Variants in PRKAG2 observed in about 807,000 individuals in gnomAD.
The protein encoded by PRKAG2 is protein kinase AMP-activated non-catalytic subunit gamma 2, also known as 5'-AMP-activated protein kinase subunit gamma-2.
Under a neutral mutation model 69.6 loss-of-function variants are expected in PRKAG2, and 26 were observed. The ratio of observed to expected loss-of-function variants is 0.37; its 90% CI spans 0.27 to 0.52. The LOEUF (loss-of-function observed/expected upper bound fraction) is 0.52. PRKAG2 is among the 20% of genes least tolerant of loss of function. The pLI is 0.90. For missense variants in PRKAG2, 557 were observed against 740.0 expected (o/e 0.75, Z 2.87); for synonymous variants, 293 against 285.0 (o/e 1.03, Z -0.28).
At chr7:151,557,280 G>A (rs1472272726) in intron 15 of PRKAG2, 48 bp from the exon 16 acceptor site, 2 of 1,613,692 alleles carry the variant, frequency 1.2e-6, no homozygotes, top group African/African-American at 2.7e-5. Flanking sequence ...GGTAACAGCA[G>A]GGTTCTCTAC....
At chr7:151,855,053 C>CACACACCACCCT (rs2079684317) in intron 1 of PRKAG2, among the ~76,000 whole-genome samples, 1 of 64,006 alleles carries the variant, frequency 1.6e-5, no homozygotes, top group Non-Finnish European at 3.0e-5. Context: ...CCGCCCTCCA[C>CACACACCACCCT]ACACACCATC....
In PRKAG2 at chr7:151,814,270, A is replaced by C. The variant is rs570000420; in HGVS notation, c.115-27729T>G. The C allele has an allele frequency of 5.4e-5, 23 of 424,106 alleles. No homozygotes were observed. The South Asian group carries it at 2.5e-3, about 46-fold the overall frequency. The allele number at this position is 424,106 out of a possible 1,614,324, so 26.3% of individuals were successfully genotyped here. A position where few individuals can be genotyped will look rare whatever the true frequency, so the allele number is the denominator to read the frequency against. Reference sequence around the variant, plus strand: ...TGCTCAGCCTTGGGGTATCTGATTTAATAAGAGGCTCTTGGAGAACAAAGC... The same window carrying C: ...TGCTCAGCCTTGGGGTATCTGATTTCATAAGAGGCTCTTGGAGAACAAAGC... On this transcript the variant is annotated intron_variant, in intron 1 of 15. Transcript: ENST00000287878. This position sits in a 1 kb window ranked among gnomAD's most constrained non-coding sequence, Gnocchi z 4.8.
In PRKAG2 at chr7:151,781,012, TG is replaced by T; in HGVS notation, c.466+139del. The stretch of plus-strand genomic sequence containing the variant: ...AGATTTGTTTAGGGGGAAGTGGGGG[TG>T]GGGAGAAACAGATACAGGCACTCAG... On this transcript the variant is annotated intron_variant, in intron 3 of 15. Coordinates refer to ENST00000287878, the MANE Select transcript of PRKAG2 (RefSeq NM_016203.4). This position sits in a 1 kb window ranked among gnomAD's most constrained non-coding sequence, Gnocchi z 6.1. 9.1e-7 allele frequency: 1 copy of T among 1,103,400 alleles called. No homozygotes were observed. The allele number at this position is 1,103,400 out of a possible 1,614,324, so 68.4% of individuals were successfully genotyped here. A position where few individuals can be genotyped will look rare whatever the true frequency, so the allele number is the denominator to read the frequency against.
intron 3 of PRKAG2, among the ~76,000 whole-genome samples, chr7:151,746,752 G>C (rs944068071): frequency 2.0e-5 from 3 of 152,188 alleles, no homozygotes; most frequent in African/African-American, 7.2e-5. Flanking sequence ...CAGAGGCTGT[G>C]GCCGGAGCCT....
chr7:151,862,818 T>G (rs1240768328), intron 1 of PRKAG2, among the ~76,000 whole-genome samples: 1 of 151,706 alleles, frequency 6.6e-6, no homozygotes, highest in African/African-American at 2.4e-5. Flanking sequence ...CAGGGAGCAC[T>G]GTTAGGTCCC....
At chr7:151,658,603 A>G (rs993994691) in intron 4 of PRKAG2, among the ~76,000 whole-genome samples, 27 of 152,216 alleles carry the variant, frequency 1.8e-4, no homozygotes, top group African/African-American at 6.3e-4. Flanking sequence ...ATTTTCAAAA[A>G]TTATTTGCCA....
At chr7:151,821,535 G>A (rs1586667658) in intron 1 of PRKAG2, among the ~76,000 whole-genome samples, 1 of 152,180 alleles carries the variant, frequency 6.6e-6, no homozygotes, top group African/African-American at 2.4e-5. Flanking sequence ...GTGGTAGAAG[G>A]CCAAGCTGTC....
rs140871820 is a variant in PRKAG2 at position 151,562,081 on chromosome 7, C to T, written c.1585-1464G>A. ...CCAACATGGTGAAACCCCGTCTCTA[C>T]CAAAACCACAAAAATTAGCTGGGCG... is the stretch of plus-strand genomic sequence containing the variant. On this transcript the variant is annotated intron_variant, in intron 14 of 15. Coordinates refer to ENST00000287878, the MANE Select transcript of PRKAG2 (RefSeq NM_016203.4). 6.6e-5 allele frequency among the ~76,000 whole-genome samples: 10 copies of T among 151,196 alleles called. 1 individual carries two copies. The highest frequency in any genetic ancestry group is 3.4e-3 in the Middle Eastern group (1 of 292).
chr7:151,673,460 T>A (rs532521492), intron 4 of PRKAG2, among the ~76,000 whole-genome samples: 5 of 152,292 alleles, frequency 3.3e-5, no homozygotes, highest in African/African-American at 1.2e-4. Flanking sequence ...TGCCACTCAT[T>A]ATCCCGGCGA....
At chr7:151,607,464 A>T (rs1817780489) in intron 5 of PRKAG2, among the ~76,000 whole-genome samples, 2 of 150,954 alleles carry the variant, frequency 1.3e-5, no homozygotes, top group Admixed American at 6.6e-5. Context: ...TTTTGTAGTG[A>T]TGGGGTCTCA....
At chr7:151,808,457 A>C (rs1290298134) in intron 1 of PRKAG2, among the ~76,000 whole-genome samples, 3 of 152,168 alleles carry the variant, frequency 2.0e-5, no homozygotes, top group African/African-American at 7.2e-5. Flanking sequence ...AGCAGCAGGG[A>C]AACAGGAGGC....
chr7:151,589,007 T>G (rs1007004581), intron 6 of PRKAG2, among the ~76,000 whole-genome samples: 2 of 152,268 alleles, frequency 1.3e-5, no homozygotes, highest in Non-Finnish European at 2.9e-5. Context: ...GGCTTGGTGA[T>G]GCTGGGACTT....
At position 151,647,480 on chromosome 7, in the gene PRKAG2, A is replaced by C. The variant is rs186630637; in HGVS notation, c.685-15342T>G. 7.6e-4 allele frequency among the ~76,000 whole-genome samples: 116 copies of C among 152,342 alleles called. 1 individual carries two copies. The highest frequency in any genetic ancestry group is 2.6e-3 in the African/African-American group (108 of 41,582). ...TTACAAAGTAATTTAAATAATAAAA[A>C]GCTATAGCGACTGCATTGTGGGCAC... On this transcript the variant is annotated intron_variant, in intron 4 of 15. Coordinates refer to ENST00000287878, the MANE Select transcript of PRKAG2 (RefSeq NM_016203.4).
At chr7:151,577,957 TC>T (rs1344758690) in intron 6 of PRKAG2, among the ~76,000 whole-genome samples, 1 of 151,416 alleles carries the variant, frequency 6.6e-6, no homozygotes, top group African/African-American at 2.4e-5. Flanking sequence ...GTAAAATGTT[TC>T]TTTAAAAAAA....
At position 151,626,888 on chromosome 7, in the gene PRKAG2, G is replaced by C. The variant is rs75547721; in HGVS notation, c.754+5181C>G. On this transcript the variant is annotated intron_variant, in intron 5 of 15. Transcript: ENST00000287878. The stretch of plus-strand genomic sequence containing the variant: ...ATTTGTTCATGTGCCGTGGCCCTTT[G>C]GGTGGCCAAAATCCACTGTAACAGC... Among the ~76,000 whole-genome samples the C allele has an allele frequency of 2.8e-3, 418 of 151,988 alleles. 2 individuals carry two copies. The highest frequency in any genetic ancestry group is 9.5e-3 in the African/African-American group (392 of 41,330).
chr7:151,761,094 C>T (rs1243596875), intron 3 of PRKAG2, among the ~76,000 whole-genome samples: 1 of 152,220 alleles, frequency 6.6e-6, no homozygotes, highest in East Asian at 1.9e-4. Flanking sequence ...TAGCTGATTC[C>T]ATATTGCTTC....
At chr7:151,821,062 A>AGAGCCTCCAACC (rs1184141184) in intron 1 of PRKAG2, among the ~76,000 whole-genome samples, 1 of 152,202 alleles carries the variant, frequency 6.6e-6, no homozygotes, top group Non-Finnish European at 1.5e-5. Context: ...AGCTGTGGAG[A>AGAGCCTCCAACC]CAGGGAACAA....
intron 5 of PRKAG2, among the ~76,000 whole-genome samples, chr7:151,628,364 A>G (rs73478085): frequency 0.13 from 19,068 of 152,244 alleles, 1,376 homozygotes; most frequent in African/African-American, 0.17. Context: ...ATAAACACAA[A>G]CACAGCAAAG....
intron 3 of PRKAG2, among the ~76,000 whole-genome samples, chr7:151,708,196 C>G (rs1171503404): frequency 6.6e-6 from 1 of 152,216 alleles, no homozygotes; most frequent in Non-Finnish European, 1.5e-5. Context: ...TTACCCTAAA[C>G]TCTCCATGCA....
Sources: gnomAD v4.1 joint callset for allele counts (sites outside exome capture counted in the v4.1 genomes callset) on GRCh38, gnomAD v4.1.1 for gene constraint, Gnocchi (gnomAD v3.1) non-coding constraint, MANE v1.5 for transcripts, NCBI Gene and HGNC (gene_info 2026-07-23, HGNC 2026-07-21) for gene names.